DOCK1: variants seen among roughly 807,000 people sequenced by gnomAD.
DOCK1 encodes dedicator of cytokinesis protein 1.
In DOCK1, 138 loss-of-function variants were observed where a neutral mutation model predicts 262.7. That is an observed-to-expected ratio of 0.53 (90% CI 0.46 to 0.61). The LOEUF (loss-of-function observed/expected upper bound fraction) is 0.61. Ranked by LOEUF, DOCK1 falls within the 20% of genes least tolerant of loss-of-function variation. The probability of loss-of-function intolerance (pLI) is 0.00; values close to 1 mark genes in which losing one functional copy is unlikely to be tolerated. For synonymous variants in DOCK1, 866 were observed against 867.4 expected (o/e 1.00, Z 0.03); for missense variants, 1,908 against 2,370.7 (o/e 0.80, Z 4.05).
intron 1 of DOCK1, among the ~76,000 whole-genome samples, chr10:126,938,755 C>CGGAGGGGATGAAGACA (rs1265429253): frequency 6.9e-6 from 1 of 144,954 alleles, no homozygotes; most frequent in East Asian, 1.9e-4. Flanking sequence ...GGATGAACAC[C>CGGAGGGGATGAAGACA]GGAGGGGATG....
rs557678982 is a variant in DOCK1 at position 127,023,450 on chromosome 10, G to A, written c.1452+126G>A. On this transcript the variant is annotated intron_variant, in intron 14 of 51. Coordinates refer to ENST00000623213, the MANE Select transcript of DOCK1 (RefSeq NM_001290223.2). Reference sequence around the variant, plus strand: ...TGGAGTCCCGTTTCTTGGGATTGGCGTTGGTTCTTGTTTCCTTTTCTCCAG... The same window carrying A: ...TGGAGTCCCGTTTCTTGGGATTGGCATTGGTTCTTGTTTCCTTTTCTCCAG... The A allele has an allele frequency of 6.3e-5, 82 of 1,308,024 alleles. 1 individual carries two copies. Among genetic ancestry groups the A allele is most frequent in the African/African-American group, 5.4e-4 (36 of 66,158 alleles). The allele number at this position is 1,308,024 out of a possible 1,614,324, so 81.0% of individuals were successfully genotyped here.
chr10:127,300,271 G>A (rs548034939), intron 29 of DOCK1, among the ~76,000 whole-genome samples: 3 of 152,142 alleles, frequency 2.0e-5, no homozygotes, highest in East Asian at 1.9e-4. Context: ...GGCTTCTTTC[G>A]CGCTGCCTCT....
chr10:127,402,021 G>A (rs1041603372), intron 38 of DOCK1, among the ~76,000 whole-genome samples: 2 of 152,198 alleles, frequency 1.3e-5, no homozygotes, highest in African/African-American at 4.8e-5. Context: ...TTGTGGGAAT[G>A]ATGGAAGTTG....
At chr10:127,106,384 G>C (rs750512125) in intron 24 of DOCK1, 83 bp downstream of exon 24, 131 of 1,457,150 alleles carry the variant, frequency 9.0e-5, no homozygotes, top group Admixed American at 1.2e-4. Context: ...GGATGCTCAG[G>C]GTTCTGCCTC....
intron 49 of DOCK1, among the ~76,000 whole-genome samples, 180 bp from the exon 50 acceptor site, chr10:127,443,946 A>G (rs1302483128): frequency 6.6e-6 from 1 of 151,358 alleles, no homozygotes; most frequent in African/African-American, 2.4e-5. Context: ...CTATCTGCCC[A>G]CTCTAACAGG....
chr10:127,351,420 T>C (rs1190950935), intron 31 of DOCK1, among the ~76,000 whole-genome samples: 1 of 152,004 alleles, frequency 6.6e-6, no homozygotes, highest in Non-Finnish European at 1.5e-5. Context: ...CAAAATCAAG[T>C]GAAAGGAAAG....
chr10:127,159,448 A>G (rs577116186), intron 27 of DOCK1, among the ~76,000 whole-genome samples: 127 of 152,280 alleles, frequency 8.3e-4, no homozygotes, highest in African/African-American at 2.1e-3. Flanking sequence ...GAATGTATAA[A>G]TAAATATATA....
At chr10:127,110,175 C>G in intron 24 of DOCK1, 73 bp from the exon 25 acceptor site, 1 of 1,253,356 alleles carries the variant, frequency 8.0e-7, no homozygotes, top group Non-Finnish European at 1.1e-6. Context: ...TGACCTATAT[C>G]TCAGTATTGT....
chr10:127,361,941 C>G (rs2064479829), intron 32 of DOCK1, 123 bp from the exon 33 acceptor site: 2 of 1,114,286 alleles, frequency 1.8e-6, no homozygotes, highest in Non-Finnish European at 2.5e-6. Flanking sequence ...GAAATGGATG[C>G]ACATTTTCGG....
At chr10:127,104,710 T>A (rs1248383266) in intron 23 of DOCK1, among the ~76,000 whole-genome samples, 5 of 152,202 alleles carry the variant, frequency 3.3e-5, no homozygotes, top group Non-Finnish European at 7.3e-5. Context: ...TTTTCCCTCT[T>A]ACTTAAAGAC....
rs1414230034 is a variant in DOCK1, at chr10:126,998,144, C to A, written c.662C>A (p.Pro221His). 6.2e-7 allele frequency: 1 copy of A among 1,613,918 alleles called. No homozygotes were observed. The highest frequency in any genetic ancestry group is 1.3e-5 in the African/African-American group (1 of 74,938). ...AGACAAGCCAAGTTTGCTGCAACCC[C>A]TTCTCTGGCCTTGTTTGTGAACCTC... ...INRQAKFAAT[P>H]SLALFVNLKN... is the part of the protein sequence containing the mutation. The change falls in exon 8 of 52, where the codon CCT (proline) becomes CAT (histidine). Residue 221 changes from proline to histidine, a missense_variant. Physicochemically the swap from Pro to His is moderately conservative, Grantham distance 77 (BLOSUM62 -2). Coordinates refer to ENST00000623213, the MANE Select transcript of DOCK1 (RefSeq NM_001290223.2).
chr10:127,057,271 A>G (rs1406400268), intron 22 of DOCK1, among the ~76,000 whole-genome samples: 1 of 152,176 alleles, frequency 6.6e-6, no homozygotes, highest in African/African-American at 2.4e-5. Flanking sequence ...GGAATTCATG[A>G]GTGTGTTTTC....
intron 43 of DOCK1, among the ~76,000 whole-genome samples, chr10:127,412,347 G>T (rs1055927917): frequency 6.6e-6 from 1 of 152,112 alleles, no homozygotes; most frequent in East Asian, 1.9e-4. Context: ...ATATAGAGGT[G>T]GGGTCTATGT....
chr10:127,374,271 C>T (rs923377957), intron 35 of DOCK1, 57 bp downstream of exon 35: 12 of 1,542,786 alleles, frequency 7.8e-6, no homozygotes, highest in Admixed American at 2.0e-5. Context: ...GAAACTGAAG[C>T]GGGGATTGCC....
intron 29 of DOCK1, among the ~76,000 whole-genome samples, chr10:127,260,829 A>G (rs111068428): frequency 0.53 from 47,683 of 90,170 alleles, 11,484 homozygotes; most frequent in East Asian, 0.6. Flanking sequence ...ATGTGTGTGC[A>G]TGGGTGTGCG....
chr10:127,012,418 G>A lies in DOCK1; in HGVS notation c.1201+44G>A, dbSNP rs2041528187. 1 of 1,590,620 alleles carries A rather than the reference G, an allele frequency of 6.3e-7. No individual in the cohort carries two copies. Among genetic ancestry groups the A allele is most frequent in the Middle Eastern group, 1.7e-4 (1 of 5,986 alleles). ...TGTTTCTATCAGCGTGTATTTGCAT[G>A]CGTTGGGGCAGTGCTGTCTGGGTTG... On this transcript the variant is annotated intron_variant, in intron 12 of 51. Coordinates refer to ENST00000623213, the MANE Select transcript of DOCK1 (RefSeq NM_001290223.2). The surrounding 1 kb of genome is among the most constrained non-coding windows in gnomAD (Gnocchi z 4.0).
intron 1 of DOCK1, among the ~76,000 whole-genome samples, chr10:126,952,256 G>A (rs1327614941): frequency 2.0e-5 from 3 of 152,010 alleles, no homozygotes; most frequent in African/African-American, 7.2e-5. Context: ...TGATGGTGAT[G>A]GTAATAGCAT....
At chr10:127,314,111 G>A (rs2062170978) in intron 29 of DOCK1, among the ~76,000 whole-genome samples, 1 of 152,194 alleles carries the variant, frequency 6.6e-6, no homozygotes, top group South Asian at 2.1e-4. Flanking sequence ...TCACACTTGA[G>A]TTGATGAGCC....
chr10:127,127,943 C>T (rs1050891307), intron 27 of DOCK1, 179 bp downstream of exon 27: 47 of 424,110 alleles, frequency 1.1e-4, no homozygotes, highest in African/African-American at 8.8e-4. Flanking sequence ...AGCAAACCAA[C>T]TTTAAAGATG....
Sources: allele counts gnomAD v4.1 joint callset (sites outside exome capture counted in the v4.1 genomes callset), GRCh38; gene constraint gnomAD v4.1.1; non-coding constraint Gnocchi (gnomAD v3.1); transcripts MANE v1.5; gene names NCBI Gene and HGNC (gene_info 2026-07-23, HGNC 2026-07-21).